ZNF799: variants seen among roughly 807,000 people sequenced by gnomAD.
ZNF799 encodes zinc finger protein 799, also known as zinc finger protein 14.
A neutral mutation model predicts 41.0 loss-of-function variants in ZNF799; 28 were observed. That is an observed-to-expected ratio of 0.68 (90% CI 0.51 to 0.94). ZNF799 has a LOEUF of 0.94. ZNF799 is among the 40% of genes least tolerant of loss of function. ZNF799 has a pLI of 0.00. For synonymous variants in ZNF799, 213 were observed against 252.9 expected, an observed-to-expected ratio of 0.84 and a Z score of 1.50; for missense variants, 716 against 764.3, an observed-to-expected ratio of 0.94 and a Z score of 0.74.
At chr19:12,413,983 C>T in the ZNF799 span, among the ~76,000 whole-genome samples, 1 of 152,206 alleles carries the variant, frequency 6.6e-6, no homozygotes, top group Non-Finnish European at 1.5e-5. Context: ...CACGGTGTCC[C>T]GGGGTCTTCT....
At chr19:12,401,284 C>T, upstream of ZNF799, 2 of 1,353,282 alleles carry the variant, frequency 1.5e-6, no homozygotes, top group South Asian at 3.0e-5. Context: ...TTCCCACGAA[C>T]CCGCCCCACG....
intron 1 of ZNF799, among the ~76,000 whole-genome samples, chr19:12,399,025 T>C (rs1280863456): frequency 6.6e-6 from 1 of 152,244 alleles, no homozygotes; most frequent in Non-Finnish European, 1.5e-5. Flanking sequence ...TTTCCAACTT[T>C]GGGTATACTT....
chr19:12,391,635 A>G lies in ZNF799; in HGVS notation c.763T>C (p.Cys255Arg). Residue 255 changes from cysteine (C) to arginine (R), a missense_variant, in exon 4 of 4, where the codon TGT becomes CGT. Physicochemically the swap from Cys to Arg is radical, Grantham distance 180. Coordinates refer to ENST00000430385, the MANE Select transcript of ZNF799 (RefSeq NM_001080821.3). The part of the protein sequence containing the change: ...RTHTGEKLYE[C>R]KQCSKAFPDY... ...GGGAAGGCTTTAGAACACTGTTTAC[A>G]TTCATACAGTTTCTCCCCAGTATGT... The G allele has an allele frequency of 6.2e-7, 1 of 1,611,768 alleles. No homozygotes were observed. Among genetic ancestry groups the G allele is most frequent in the Non-Finnish European group, 8.5e-7 (1 of 1,178,084 alleles).
At chr19:12,406,102 G>A (rs987469948), upstream of ZNF799, among the ~76,000 whole-genome samples, 1 of 150,304 alleles carries the variant, frequency 6.7e-6, no homozygotes, top group Non-Finnish European at 1.5e-5. Flanking sequence ...CCCGGGAAGC[G>A]GAGGTTGCAG....
chr19:12,394,466 A>T (rs1273471368), intron 1 of ZNF799: 1 of 564,434 alleles, frequency 1.8e-6, no homozygotes, highest in Non-Finnish European at 2.2e-6. Flanking sequence ...GGTAGATAAC[A>T]TTTCACGTTT....
the ZNF799 span, among the ~76,000 whole-genome samples, chr19:12,413,036 G>A: frequency 6.6e-5 from 7 of 106,542 alleles, no homozygotes; most frequent in African/African-American, 1.6e-4. Flanking sequence ...CATAGAGCAA[G>A]ACTCCGTCTC....
chr19:12,405,096 C>T (rs981825801), upstream of ZNF799, among the ~76,000 whole-genome samples: 7 of 152,126 alleles, frequency 4.6e-5, no homozygotes, highest in Non-Finnish European at 1.0e-4. Context: ...TTCCTGCCCT[C>T]GAACATCAGA....
At chr19:12,404,347 T>C (rs976360804), upstream of ZNF799, among the ~76,000 whole-genome samples, 1 of 152,250 alleles carries the variant, frequency 6.6e-6, no homozygotes, top group Non-Finnish European at 1.5e-5. Flanking sequence ...TCTTTGTCGA[T>C]TTACTGTCTG....
chr19:12,392,686 T>C, intron 2 of ZNF799, 23 bp from the exon 3 acceptor site: 1 of 1,572,088 alleles, frequency 6.4e-7, no homozygotes, highest in Non-Finnish European at 8.7e-7. Flanking sequence ...CACAGAAAAA[T>C]CATTACAAAT....
At chr19:12,407,384 G>T in the ZNF799 span, among the ~76,000 whole-genome samples, 1 of 151,326 alleles carries the variant, frequency 6.6e-6, no homozygotes, top group African/African-American at 2.4e-5. Context: ...GTTAACTTCA[G>T]CCCAGGAGAT....
At position 12,391,589 on chromosome 19, in the gene ZNF799, C is replaced by A. The variant is rs755680500; in HGVS notation, c.809G>T (p.Arg270Ile). The A allele has an allele frequency of 3.4e-5, 55 of 1,613,728 alleles. No homozygotes were observed. The East Asian group carries it at 9.1e-4, about 27-fold the overall frequency. ...KAFPDYSSCLRHERTHTGKKP... is the reference protein window; with the variant it reads ...KAFPDYSSCLIHERTHTGKKP... ...CTTTCCAGTGTGAGTTCTTTCATGT[C>A]TTAGACAAGAACTGTAATCAGGGAA... The change falls in exon 4 of 4, where the codon AGA (arginine) becomes ATA (isoleucine). Residue 270 changes from arginine to isoleucine, a missense_variant. Around this residue, in one of 2 missense-constraint regions of ZNF799, gnomAD observed 698 missense variants for 713.6 expected, o/e 0.98. Coordinates refer to ENST00000430385, the MANE Select transcript of ZNF799 (RefSeq NM_001080821.3).
At position 12,390,204 on chromosome 19, in the gene ZNF799, T is replaced by C. The variant is rs1282563742; in HGVS notation, c.*262A>G. On this transcript the variant is annotated 3_prime_UTR_variant, in exon 4 of 4. Transcript: ENST00000430385. ...GGTATTTTAAGTAATCTAGACATAATTGAGAGTATACAAGAGGATGTGGGT... is the reference window on the plus strand; with the variant it reads ...GGTATTTTAAGTAATCTAGACATAACTGAGAGTATACAAGAGGATGTGGGT... 8.0e-6 allele frequency: 5 copies of C among 627,056 alleles called. No individual in the cohort carries two copies. Among genetic ancestry groups the C allele is most frequent in the Admixed American group, 6.2e-5 (2 of 32,494 alleles). The allele number at this position is 627,056 out of a possible 1,614,324, so 38.8% of individuals were successfully genotyped here.
At chr19:12,414,136 C>T in the ZNF799 span, among the ~76,000 whole-genome samples, 1 of 151,938 alleles carries the variant, frequency 6.6e-6, no homozygotes. Context: ...ACAGCCTCCT[C>T]GCGGCAGCTC....
At chr19:12,401,351 G>T, upstream of ZNF799, 1 of 955,942 alleles carries the variant, frequency 1.0e-6, no homozygotes, top group Admixed American at 3.1e-5. Flanking sequence ...GACAGAAGAA[G>T]CGATCTTGCA....
chr19:12,400,238 G>A (rs564030851), intron 1 of ZNF799: 3 of 152,444 alleles, frequency 2.0e-5, no homozygotes, highest in Admixed American at 1.3e-4. Flanking sequence ...GAGGACCACG[G>A]AGACCACAGC....
Position 12,391,938 on chromosome 19 carries a change from T to C in ZNF799, c.460A>G (p.Asn154Asp), listed in dbSNP as rs1276869221. ...KQRGKAFSYH[N>D]SLQTHERLHT... is the part of the protein sequence containing the mutation. ...AGCCTCTCATGTGTTTGAAGTGAGT[T>C]GTGGTAACTGAAGGCTTTCCCACGT... The change falls in exon 4 of 4, where the codon AAC becomes GAC. Residue 154 changes from asparagine to aspartate, a missense_variant. By Grantham distance (23) the Asn-to-Asp change is conservative. Around this residue, in one of 2 missense-constraint regions of ZNF799, gnomAD observed 698 missense variants for 713.6 expected, o/e 0.98. Transcript: ENST00000430385. 11 of 1,614,086 alleles carry C rather than the reference T, an allele frequency of 6.8e-6. No individual in the cohort carries two copies. In the African/African-American group the frequency reaches 9.3e-5, roughly 14 times the overall value.
At chr19:12,402,023 TC>T (rs1463526808), upstream of ZNF799, among the ~76,000 whole-genome samples, 2 of 152,368 alleles carry the variant, frequency 1.3e-5, no homozygotes, top group South Asian at 2.1e-4. Context: ...CATCCCCACT[TC>T]CCCCATAACT....
At chr19:12,406,241 A>C (rs567521521), upstream of ZNF799, among the ~76,000 whole-genome samples, 29 of 151,308 alleles carry the variant, frequency 1.9e-4, no homozygotes, top group Non-Finnish European at 3.4e-4. Flanking sequence ...GAACTTTGGG[A>C]AGCCGAGGCA....
chr19:12,414,413 G>A, the ZNF799 span, among the ~76,000 whole-genome samples: 1 of 152,064 alleles, frequency 6.6e-6, no homozygotes, highest in Non-Finnish European at 1.5e-5. Flanking sequence ...CTCTTCCCCT[G>A]GACAGATCAC....
Sources: allele counts gnomAD v4.1 joint callset (sites outside exome capture counted in the v4.1 genomes callset), GRCh38; gene constraint gnomAD v4.1.1; regional missense constraint gnomAD v4.1.1; transcripts MANE v1.5; gene names NCBI Gene and HGNC (gene_info 2026-07-23, HGNC 2026-07-21).